Variants in NPAS3 observed in about 807,000 individuals in gnomAD.
NPAS3 encodes the protein neuronal PAS domain-containing protein 3.
In NPAS3, 14 loss-of-function variants were observed where a neutral mutation model predicts 73.1. The observed-to-expected ratio is 0.19, with a 90% CI of 0.13 to 0.30. The LOEUF (loss-of-function observed/expected upper bound fraction) is 0.30, where lower values mean the gene tolerates loss of function less well. Among genes scored for constraint, NPAS3 ranks in the 10% least tolerant of loss-of-function variants. The pLI is 1.00. For synonymous variants in NPAS3, 620 were observed against 541.5 expected (o/e 1.14, Z -2.01); for missense variants, 1,096 against 1,250.0 (o/e 0.88, Z 1.86).
intron 4 of NPAS3, among the ~76,000 whole-genome samples, chr14:33,377,034 A>C (rs536012569): frequency 1.3e-5 from 2 of 152,322 alleles, no homozygotes; most frequent in South Asian, 4.1e-4. Flanking sequence ...ATTATCAATA[A>C]AATTCTCTCA....
At chr14:32,984,051 A>G (rs1422468439) in intron 1 of NPAS3, among the ~76,000 whole-genome samples, 1 of 152,162 alleles carries the variant, frequency 6.6e-6, no homozygotes, top group Non-Finnish European at 1.5e-5. Flanking sequence ...TGTACAGAAA[A>G]ACTTATTTAG....
intron 6 of NPAS3, among the ~76,000 whole-genome samples, chr14:33,678,298 C>T (rs113099713): frequency 3.9e-5 from 6 of 152,286 alleles, no homozygotes; most frequent in South Asian, 2.1e-4. Flanking sequence ...AAATCTGCTT[C>T]GCTGCAACTT....
At chr14:33,641,046 A>T in intron 5 of NPAS3, among the ~76,000 whole-genome samples, 1 of 152,182 alleles carries the variant, frequency 6.6e-6, no homozygotes, top group Non-Finnish European at 1.5e-5. Flanking sequence ...TGTATACTTT[A>T]TTGTAGTTTG....
chr14:33,079,753 A>G (rs544322008), intron 2 of NPAS3, among the ~76,000 whole-genome samples: 22 of 150,804 alleles, frequency 1.5e-4, no homozygotes, highest in African/African-American at 5.1e-4. Context: ...CTGGGATTAC[A>G]GGTGTGTACC....
At chr14:33,469,538 A>ACCAAGAC (rs1370187246) in intron 4 of NPAS3, among the ~76,000 whole-genome samples, 1 of 152,224 alleles carries the variant, frequency 6.6e-6, no homozygotes, top group Non-Finnish European at 1.5e-5. Flanking sequence ...TACAGCAAAT[A>ACCAAGAC]CCAAGACCTC....
In NPAS3 at chr14:33,053,214, C is replaced by T. The variant is rs150316911; in HGVS notation, c.51-2691C>T. Among the ~76,000 whole-genome samples, 19 of 152,262 alleles carry T rather than the reference C, an allele frequency of 1.2e-4. No individual in the cohort carries two copies. The East Asian group carries it at 3.7e-3, about 29-fold the overall frequency. On this transcript the variant is annotated intron_variant, in intron 1 of 11. Coordinates refer to ENST00000356141, the Ensembl canonical transcript of NPAS3. ...TTATTTGACCAGATGGTGGAAAATC[C>T]ATTCTCATGATAAGTTGCTTCTAGT...
intron 2 of NPAS3, among the ~76,000 whole-genome samples, chr14:33,091,807 C>A (rs1049071093): frequency 2.0e-4 from 31 of 152,234 alleles, no homozygotes; most frequent in Middle Eastern, 6.8e-3. Context: ...GGATTCAAGG[C>A]TGGTTCAACA....
chr14:33,193,505 G>A (rs909247314), intron 2 of NPAS3, among the ~76,000 whole-genome samples: 3 of 152,184 alleles, frequency 2.0e-5, no homozygotes, highest in Non-Finnish European at 4.4e-5. Flanking sequence ...GGAGGATGGC[G>A]ATGAGGATCT....
At chr14:33,376,695 G>A (rs989761343) in intron 4 of NPAS3, among the ~76,000 whole-genome samples, 2 of 152,120 alleles carry the variant, frequency 1.3e-5, no homozygotes, top group Non-Finnish European at 2.9e-5. Context: ...GTGGATTTGG[G>A]CATCCAGCCA....
chr14:33,310,488 G>C (rs1453694747), intron 3 of NPAS3, among the ~76,000 whole-genome samples: 1 of 152,126 alleles, frequency 6.6e-6, no homozygotes, highest in African/African-American at 2.4e-5. Flanking sequence ...AGATTCTGTA[G>C]TCTTGGTAGC....
chr14:33,766,523 G>T (rs1697486190), intron 7 of NPAS3, among the ~76,000 whole-genome samples: 1 of 152,074 alleles, frequency 6.6e-6, no homozygotes, highest in Non-Finnish European at 1.5e-5. Context: ...TCTCTCCCTG[G>T]AACCCACTTT....
At chr14:33,429,595 A>G (rs973278576) in intron 4 of NPAS3, among the ~76,000 whole-genome samples, 5 of 152,164 alleles carry the variant, frequency 3.3e-5, no homozygotes, top group Non-Finnish European at 7.4e-5. Context: ...CCTTTTGACC[A>G]TGAGTGAGTA....
intron 4 of NPAS3, among the ~76,000 whole-genome samples, chr14:33,466,253 A>C (rs2139556418): frequency 6.6e-6 from 1 of 152,260 alleles, no homozygotes; most frequent in African/African-American, 2.4e-5. Context: ...TAGCAGCAAA[A>C]CCAGGGTCAT....
In NPAS3 at chr14:33,024,142, A is replaced by ATGTGTGTGTG. The variant is rs5807700; in HGVS notation, c.51-31743_51-31734dup. Among the ~76,000 whole-genome samples the ATGTGTGTGTG allele has an allele frequency of 1.7e-3, 237 of 143,256 alleles. 2 individuals carry two copies. Among genetic ancestry groups the ATGTGTGTGTG allele is most frequent in the African/African-American group, 5.7e-3 (209 of 36,428 alleles). 94.0% of individuals were successfully genotyped at this position (143,256 alleles called of 152,430 possible). ...TGTATATATATGTGTGTGTGTGTAT[A>ATGTGTGTGTG]TGTGTGTGTGTGTGTGTGTGTGTGT... On this transcript the variant is annotated intron_variant, in intron 1 of 11. Transcript: ENST00000356141.
At chr14:33,450,482 A>G (rs78331514) in intron 4 of NPAS3, among the ~76,000 whole-genome samples, 2,191 of 152,284 alleles carry the variant, frequency 0.014, 28 homozygotes, top group Middle Eastern at 0.068. Context: ...TTCCTGTGTT[A>G]TTCATGAAAT....
rs547503595 is a variant in NPAS3, at chr14:33,199,097, G to C, written c.141-16085G>C. On this transcript the variant is annotated intron_variant, in intron 2 of 11. Coordinates refer to ENST00000356141, the Ensembl canonical transcript of NPAS3. ...CGCTGGCCTGCGAGCTCCGTGTGCA[G>C]CCCTGGTTCCTGCCCGTGCCTCTCC... is the stretch of plus-strand genomic sequence containing the variant. 5.9e-5 allele frequency among the ~76,000 whole-genome samples: 9 copies of C among 152,308 alleles called. No homozygotes were observed. In the South Asian group the frequency reaches 1.9e-3, roughly 32 times the overall value.
chr14:33,650,542 T>C (rs1286195866), intron 5 of NPAS3, among the ~76,000 whole-genome samples: 1 of 152,202 alleles, frequency 6.6e-6, no homozygotes, highest in East Asian at 1.9e-4. Flanking sequence ...TCATCATACA[T>C]TTGTTGCAAG....
At chr14:33,079,117 A>G (rs749102839) in intron 2 of NPAS3, among the ~76,000 whole-genome samples, 17 of 152,090 alleles carry the variant, frequency 1.1e-4, no homozygotes, top group Non-Finnish European at 2.4e-4. Flanking sequence ...GATGCTTCAG[A>G]TGGCTTTCTT....
intron 4 of NPAS3, among the ~76,000 whole-genome samples, chr14:33,378,642 A>T (rs950905301): frequency 4.6e-5 from 7 of 152,168 alleles, no homozygotes; most frequent in Non-Finnish European, 8.8e-5. Flanking sequence ...CCTCAAAAAA[A>T]ATAAATAAAA....
Sources: allele counts gnomAD v4.1 joint callset (sites outside exome capture counted in the v4.1 genomes callset), GRCh38; gene constraint gnomAD v4.1.1; transcripts MANE v1.5; gene names NCBI Gene and HGNC (gene_info 2026-07-23, HGNC 2026-07-21).